The following USH2A variants were observed in gnomAD, a reference collection of about 807,000 sequenced individuals.
The protein encoded by USH2A is usherin.
In USH2A, 443 loss-of-function variants were observed where a neutral mutation model predicts 538.9. That is an observed-to-expected ratio of 0.82 (90% CI 0.76 to 0.89). The LOEUF (loss-of-function observed/expected upper bound fraction) is 0.89, where lower values mean the gene tolerates loss of function less well. Ranked by LOEUF, USH2A falls within the 40% of genes least tolerant of loss-of-function variation. The probability of loss-of-function intolerance (pLI) is 0.00; values close to 1 mark genes in which losing one functional copy is unlikely to be tolerated. For synonymous variants in USH2A, 2,413 were observed against 2,273.5 expected, an observed-to-expected ratio of 1.06 and a Z score of -1.75; for missense variants, 6,633 against 6,324.8, an observed-to-expected ratio of 1.05 and a Z score of -1.65.
chr1:215,809,536 A>G (rs1414195325), intron 49 of USH2A, among the ~76,000 whole-genome samples: 1 of 152,064 alleles, frequency 6.6e-6, no homozygotes, highest in Non-Finnish European at 1.5e-5. Context: ...TAGACATAAG[A>G]TACAAGGATC....
chr1:215,780,003 G>C lies in USH2A; in HGVS notation c.10779C>G (p.Ile3593Met), dbSNP rs781539138. 4.3e-6 allele frequency: 7 copies of C among 1,614,092 alleles called. No homozygotes were observed. In the Admixed American group the frequency reaches 8.3e-5, roughly 19 times the overall value. ...TTAGGGCTGTGATGCTTGGTGGCAG[G>C]ATGCTCTCCGGAACTCCTTGGGTAG... is the stretch of plus-strand genomic sequence containing the variant. ...AATTQGVPESILPPSITALSA... is the reference protein window; with the variant it reads ...AATTQGVPESMLPPSITALSA... The change falls in exon 55 of 72, where the codon ATC (isoleucine) becomes ATG (methionine). Residue 3593 changes from isoleucine to methionine, a missense_variant. Ile to Met is a conservative substitution (Grantham distance 10, BLOSUM62 1). Transcript: ENST00000307340.
At chr1:215,993,369 G>A (rs1205067489) in intron 34 of USH2A, among the ~76,000 whole-genome samples, 2 of 152,130 alleles carry the variant, frequency 1.3e-5, no homozygotes, top group Non-Finnish European at 2.9e-5. Flanking sequence ...ATCCCCAATA[G>A]TTAGAGAATA....
At chr1:216,029,279 CAAAT>C (rs941067546) in intron 32 of USH2A, among the ~76,000 whole-genome samples, 22 of 151,906 alleles carry the variant, frequency 1.4e-4, no homozygotes, top group Non-Finnish European at 2.5e-4. Context: ...TATAACCAAA[CAAAT>C]AAACATTAGC....
chr1:216,362,348 T>C (rs1478961262), intron 4 of USH2A, among the ~76,000 whole-genome samples: 2 of 152,072 alleles, frequency 1.3e-5, no homozygotes, highest in Non-Finnish European at 2.9e-5. Context: ...CTACTCAAAC[T>C]CATTAATGGC....
At chr1:215,891,407 G>T (rs1271096602) in intron 40 of USH2A, among the ~76,000 whole-genome samples, 1 of 151,994 alleles carries the variant, frequency 6.6e-6, no homozygotes, top group South Asian at 2.1e-4. Context: ...CTGACTCCTG[G>T]CACTCTTTCA....
At chr1:215,942,009 C>G (rs1666647567) in intron 37 of USH2A, among the ~76,000 whole-genome samples, 1 of 152,064 alleles carries the variant, frequency 6.6e-6, no homozygotes, top group South Asian at 2.1e-4. Flanking sequence ...TCTGGCACAG[C>G]TAACTGGGTC....
intron 9 of USH2A, among the ~76,000 whole-genome samples, chr1:216,301,308 A>G (rs924775866): frequency 6.6e-6 from 1 of 152,196 alleles, no homozygotes; most frequent in African/African-American, 2.4e-5. Flanking sequence ...GAGAGCTCCC[A>G]GTGTCAATGA....
In USH2A at chr1:216,073,169, C is replaced by T. The variant is rs2031619029; in HGVS notation, c.5704G>A (p.Gly1902Arg). 1 of 1,613,764 alleles carries T rather than the reference C, an allele frequency of 6.2e-7. No individual in the cohort carries two copies. Residue 1902 changes from glycine to arginine, a missense_variant, in exon 28 of 72, where the codon GGA becomes AGA. By Grantham distance (125) the Gly-to-Arg change is moderately radical. Coordinates refer to ENST00000307340, the MANE Select transcript of USH2A (RefSeq NM_206933.4). ...TGGTAAACCAGGATGGAGTCATTTC[C>T]CCTGCAGTTAACAGCACTGTCAGTT... Reference protein sequence around the residue: ...LSTDSAVNCRGNDSILVYQGK... With the variant: ...LSTDSAVNCRRNDSILVYQGK...
chr1:216,094,980 A>G (rs74143940), intron 22 of USH2A, among the ~76,000 whole-genome samples: 3 of 132,220 alleles, frequency 2.3e-5, no homozygotes, highest in African/African-American at 3.7e-5. Context: ...GTGTGTGTGT[A>G]TAGGCATATG....
intron 16 of USH2A, among the ~76,000 whole-genome samples, chr1:216,201,304 T>C (rs2034993440): frequency 6.7e-6 from 1 of 149,680 alleles, no homozygotes; most frequent in Non-Finnish European, 1.5e-5. Flanking sequence ...TTCCCAGTCT[T>C]TTTTCTTTTT....
intron 11 of USH2A, among the ~76,000 whole-genome samples, chr1:216,283,163 T>C (rs1221851290): frequency 6.6e-6 from 1 of 152,126 alleles, no homozygotes; most frequent in African/African-American, 2.4e-5. Context: ...CTCAGCTCAC[T>C]GCAAGCTCCA....
chr1:215,951,773 T>G (rs1358704912), intron 37 of USH2A, among the ~76,000 whole-genome samples: 1 of 152,258 alleles, frequency 6.6e-6, no homozygotes, highest in African/African-American at 2.4e-5. Context: ...GATAGTTAGC[T>G]CTTCTTGTTG....
rs367902538 is a variant in USH2A, at chr1:216,322,218, C to A, written c.1551-242G>T. On this transcript the variant is annotated intron_variant, in intron 8 of 71. Coordinates refer to ENST00000307340, the MANE Select transcript of USH2A (RefSeq NM_206933.4). The stretch of plus-strand genomic sequence containing the variant: ...TGTATTGTAAAGATAATTTTCAAGC[C>A]AACCTCTAAAGGGAAATGGAATTTT... Among the ~76,000 whole-genome samples the A allele has an allele frequency of 5.9e-5, 9 of 152,208 alleles. No individual in the cohort carries two copies. In the East Asian group the frequency reaches 1.5e-3, roughly 26 times the overall value.
chr1:216,090,209 A>G (rs891113043), intron 22 of USH2A, among the ~76,000 whole-genome samples: 1 of 151,958 alleles, frequency 6.6e-6, no homozygotes, highest in Non-Finnish European at 1.5e-5. Context: ...TGTTTTTTTC[A>G]AAAAGAGAAA....
chr1:215,889,030 A>T lies in USH2A; in HGVS notation c.7619T>A (p.Ile2540Asn). The T allele has an allele frequency of 1.9e-6, 3 of 1,613,962 alleles. No individual in the cohort carries two copies. Among genetic ancestry groups the T allele is most frequent in the Non-Finnish European group, 2.5e-6 (3 of 1,180,016 alleles). ...CATTCTTGACTTCACATCCAGAAGA[A>T]TCGGAGGAACTACAGGTCCAGGTTC... is the stretch of plus-strand genomic sequence containing the variant. The part of the protein sequence containing the change: ...EDKPGPVVPP[I>N]LLDVKSRMML... Residue 2540 changes from isoleucine (I) to asparagine (N), a missense_variant, in exon 41 of 72, where the codon ATT becomes AAT. Transcript: ENST00000307340.
intron 61 of USH2A, among the ~76,000 whole-genome samples, chr1:215,696,175 C>T (rs1200924946): frequency 6.6e-6 from 1 of 152,108 alleles, no homozygotes; most frequent in Admixed American, 6.5e-5. Flanking sequence ...ATACTGCATT[C>T]TTACAATAAA....
At chr1:215,896,240 G>A (rs935618438) in intron 40 of USH2A, among the ~76,000 whole-genome samples, 2 of 151,386 alleles carry the variant, frequency 1.3e-5, no homozygotes, top group African/African-American at 4.8e-5. Flanking sequence ...TTTGGGAAAC[G>A]ATCAAACATT....
chr1:216,339,094 A>G (rs1194897752), intron 4 of USH2A, among the ~76,000 whole-genome samples: 1 of 151,660 alleles, frequency 6.6e-6, no homozygotes, highest in African/African-American at 2.4e-5. Context: ...TATAAATTAT[A>G]TAAAGAGAAA....
chr1:215,713,340 T>A (rs894399325), intron 61 of USH2A, among the ~76,000 whole-genome samples: 5 of 152,138 alleles, frequency 3.3e-5, no homozygotes, highest in Admixed American at 2.0e-4. Flanking sequence ...ATACAATGAG[T>A]AAAAAAGCCA....
Sources: allele counts gnomAD v4.1 joint callset (sites outside exome capture counted in the v4.1 genomes callset), GRCh38; gene constraint gnomAD v4.1.1; transcripts MANE v1.5; gene names NCBI Gene and HGNC (gene_info 2026-07-23, HGNC 2026-07-21).